SMU1: variants seen among roughly 807,000 people sequenced by gnomAD.
SMU1 encodes WD40 repeat-containing protein SMU1.
In SMU1, 2 loss-of-function variants were observed where a neutral mutation model predicts 62.0. The ratio of observed to expected loss-of-function variants is 0.03; its 90% CI spans 0.01 to 0.10. SMU1 has a LOEUF of 0.10. SMU1 is among the 10% of genes least tolerant of loss of function. The pLI, the probability that SMU1 is intolerant of heterozygous loss-of-function variation, is 1.00. For missense variants in SMU1, 227 were observed against 622.1 expected, an observed-to-expected ratio of 0.36 and a Z score of 6.76; for synonymous variants, 188 against 212.4, an observed-to-expected ratio of 0.89 and a Z score of 1.00.
In SMU1 at chr9:33,057,014, A is replaced by G. The variant is rs369974489; in HGVS notation, c.868-50T>C. On this transcript the variant is annotated intron_variant, in intron 7 of 11. Coordinates refer to ENST00000397149, the MANE Select transcript of SMU1 (RefSeq NM_018225.3). The stretch of plus-strand genomic sequence containing the variant: ...TTAAAAAAACCTTGTTAAGTGTCCT[A>G]CTATTAATAGCCCACAGAGCCAAGC... The G allele has an allele frequency of 4.1e-5, 65 of 1,577,346 alleles. 3 individuals carry two copies. The South Asian group carries it at 5.1e-4, about 12-fold the overall frequency.
At chr9:33,058,464 G>A (rs924196622) in intron 6 of SMU1, among the ~76,000 whole-genome samples, 2 of 152,122 alleles carry the variant, frequency 1.3e-5, no homozygotes, top group Admixed American at 6.5e-5. Flanking sequence ...TTACAGGTCC[G>A]CACCAAAACA....
At chr9:33,048,014 T>A (rs1165598254) in intron 11 of SMU1, 92 bp downstream of exon 11, 1 of 1,186,244 alleles carries the variant, frequency 8.4e-7, no homozygotes, top group Non-Finnish European at 1.2e-6. Context: ...GAGGGTCACA[T>A]CGATAGCTCT....
intron 10 of SMU1, among the ~76,000 whole-genome samples, chr9:33,049,764 C>CCACACACACACACACACACACA (rs61036431): frequency 1.4e-3 from 209 of 148,508 alleles, no homozygotes; most frequent in African/African-American, 4.6e-3. Context: ...GACCCCATTT[C>CCACACACACACACACACACACA]CACACACACA....
intron 1 of SMU1, among the ~76,000 whole-genome samples, chr9:33,075,479 C>G (rs765650706): frequency 1.7e-4 from 26 of 152,076 alleles, no homozygotes; most frequent in Non-Finnish European, 3.4e-4. Flanking sequence ...CCCTGTTATT[C>G]TGCTATGATA....
At chr9:33,069,008 CA>C in intron 3 of SMU1, 74 bp from the exon 4 acceptor site, 3 of 1,538,264 alleles carry the variant, frequency 2.0e-6, no homozygotes, top group Non-Finnish European at 2.6e-6. Context: ...TTAAAACAAA[CA>C]AGCAGAAGCA....
chr9:33,065,579 G>A (rs1464868618), intron 4 of SMU1, among the ~76,000 whole-genome samples: 4 of 152,160 alleles, frequency 2.6e-5, no homozygotes, highest in Non-Finnish European at 4.4e-5. Context: ...AAACCTAATT[G>A]TACAAGGTGA....
chr9:33,052,435 C>T (rs1326931456), intron 10 of SMU1, among the ~76,000 whole-genome samples: 2 of 152,286 alleles, frequency 1.3e-5, no homozygotes, highest in East Asian at 1.9e-4. Flanking sequence ...AAAGATACTG[C>T]GGACCAGCCA....
intron 5 of SMU1, among the ~76,000 whole-genome samples, chr9:33,061,082 G>C (rs1162884773): frequency 6.6e-6 from 1 of 152,200 alleles, no homozygotes; most frequent in Non-Finnish European, 1.5e-5. Context: ...GTGATAATGT[G>C]TAGCTGACCA....
At chr9:33,056,073 G>A in intron 9 of SMU1, 40 bp downstream of exon 9, 1 of 1,575,274 alleles carries the variant, frequency 6.3e-7, no homozygotes, top group Non-Finnish European at 8.6e-7. Flanking sequence ...GACAAAGATG[G>A]GGTAGACATC....
In SMU1 at chr9:33,062,197, T is replaced by A. The variant is rs772537468; in HGVS notation, c.502-20A>T. The stretch of plus-strand genomic sequence containing the variant: ...CAGTGCCTATGAGGAAAAAAAAAAA[T>A]ATAGCAATCTGTTCAGGTGCTTTTA... On this transcript the variant is annotated intron_variant, in intron 4 of 11. Coordinates refer to ENST00000397149, the MANE Select transcript of SMU1 (RefSeq NM_018225.3). 1.9e-6 allele frequency: 3 copies of A among 1,594,152 alleles called. No individual in the cohort carries two copies. The highest frequency in any genetic ancestry group is 1.7e-6 in the Non-Finnish European group (2 of 1,171,356).
intron 4 of SMU1, among the ~76,000 whole-genome samples, chr9:33,066,995 T>C (rs1189890490): frequency 2.6e-5 from 4 of 152,058 alleles, no homozygotes; most frequent in Non-Finnish European, 5.9e-5. Context: ...AAAAAAGGAC[T>C]TTTGACGGTT....
intron 9 of SMU1, among the ~76,000 whole-genome samples, chr9:33,054,848 TTC>T: frequency 6.6e-6 from 1 of 152,186 alleles, no homozygotes; most frequent in Non-Finnish European, 1.5e-5. Context: ...AAATGAACAT[TTC>T]AGGAATTAAG....
At chr9:33,064,989 C>A (rs1242999225) in intron 4 of SMU1, among the ~76,000 whole-genome samples, 2 of 152,196 alleles carry the variant, frequency 1.3e-5, no homozygotes, top group African/African-American at 4.8e-5. Context: ...TTGATCCACC[C>A]ACCTGGGCTT....
intron 10 of SMU1, among the ~76,000 whole-genome samples, chr9:33,049,405 C>T (rs553365431): frequency 6.6e-6 from 1 of 152,228 alleles, no homozygotes; most frequent in South Asian, 2.1e-4. Flanking sequence ...TATCTAGACA[C>T]AATAAAATAA....
chr9:33,062,536 C>A (rs909885019), intron 4 of SMU1, among the ~76,000 whole-genome samples: 1 of 152,188 alleles, frequency 6.6e-6, no homozygotes, highest in East Asian at 1.9e-4. Context: ...ATCTTCCCCC[C>A]CCACATATGT....
chr9:33,046,224 TCTC>T lies in SMU1; in HGVS notation c.*1066_*1068del, dbSNP rs1381585200. On this transcript the variant is annotated 3_prime_UTR_variant, in exon 12 of 12. Coordinates refer to ENST00000397149, the MANE Select transcript of SMU1 (RefSeq NM_018225.3). Reference sequence around the variant, plus strand: ...ACAGCACATTTTCAATGCCAAACCTTCTCCTACAACATACAAAGGGGAGATGCC... The same window carrying T: ...ACAGCACATTTTCAATGCCAAACCTTCTACAACATACAAAGGGGAGATGCC... The T allele has an allele frequency of 6.6e-6, 1 of 152,202 alleles. No homozygotes were observed. The highest frequency in any genetic ancestry group is 1.9e-4 in the East Asian group (1 of 5,192). The allele number at this position is 152,202 out of a possible 1,614,324, so 9.4% of individuals were successfully genotyped here.
At position 33,045,083 on chromosome 9, in the gene SMU1, G is replaced by A. The variant is rs1839170165; in HGVS notation, c.*2210C>T. The A allele has an allele frequency of 6.6e-6, 1 of 152,128 alleles. No individual in the cohort carries two copies. Among genetic ancestry groups the A allele is most frequent in the South Asian group, 2.1e-4 (1 of 4,818 alleles). 9.4% of individuals were successfully genotyped at this position (152,128 alleles called of 1,614,324 possible). ...ATCACCTGGTGCCAGCAACAGAAGT[G>A]TTCCCTAAAAATTCCTAGAATAAAC... On this transcript the variant is annotated 3_prime_UTR_variant, in exon 12 of 12. Coordinates refer to ENST00000397149, the MANE Select transcript of SMU1 (RefSeq NM_018225.3).
At chr9:33,066,709 G>A (rs1839424558) in intron 4 of SMU1, among the ~76,000 whole-genome samples, 2 of 152,030 alleles carry the variant, frequency 1.3e-5, no homozygotes, top group African/African-American at 4.8e-5. Flanking sequence ...GGGAGGCTGA[G>A]GCAGGAGAAT....
Position 33,046,613 on chromosome 9 carries a change from G to C in SMU1, c.*680C>G, listed in dbSNP as rs185986085. 2 of 151,428 alleles carry C rather than the reference G, an allele frequency of 1.3e-5. No individual in the cohort carries two copies. Among genetic ancestry groups the C allele is most frequent in the African/African-American group, 4.9e-5 (2 of 41,188 alleles). The allele number at this position is 151,428 out of a possible 1,614,324, so 9.4% of individuals were successfully genotyped here. ...AAAAAAAAAAAAAAAAAGATGGGCC[G>C]GGCATGGTGGCTCACGCCTGTGATC... On this transcript the variant is annotated 3_prime_UTR_variant, in exon 12 of 12. Coordinates refer to ENST00000397149, the MANE Select transcript of SMU1 (RefSeq NM_018225.3).
Sources: allele counts gnomAD v4.1 joint callset (sites outside exome capture counted in the v4.1 genomes callset), GRCh38; gene constraint gnomAD v4.1.1; transcripts MANE v1.5; gene names NCBI Gene and HGNC (gene_info 2026-07-23, HGNC 2026-07-21).